CCDC138: variants seen among roughly 807,000 people sequenced by gnomAD.
The protein encoded by CCDC138 is coiled-coil domain-containing protein 138.
CCDC138 carries 66 observed loss-of-function variants against 82.3 expected under a neutral mutation model. The ratio of observed to expected loss-of-function variants is 0.80; its 90% CI spans 0.66 to 0.98. The LOEUF (loss-of-function observed/expected upper bound fraction) is 0.98. CCDC138 is among the 50% of genes least tolerant of loss of function. The probability of loss-of-function intolerance (pLI) is 0.00; values close to 1 mark genes in which losing one functional copy is unlikely to be tolerated. For missense variants in CCDC138, 816 were observed against 758.9 expected (o/e 1.08, Z -0.88); for synonymous variants, 297 against 265.4 (o/e 1.12, Z -1.16).
chr2:108,815,779 T>A (rs1277384071), intron 9 of CCDC138, 162 bp from the exon 10 acceptor site: 3 of 226,182 alleles, frequency 1.3e-5, no homozygotes, highest in Non-Finnish European at 2.2e-5. Context: ...TGGGGAGGTT[T>A]GATTTGGAAT....
chr2:108,824,944 T>C (rs1686312643), intron 10 of CCDC138, among the ~76,000 whole-genome samples: 1 of 152,164 alleles, frequency 6.6e-6, no homozygotes, highest in South Asian at 2.1e-4. Context: ...CTGTGTAAGA[T>C]TAAAAATTGG....
intron 10 of CCDC138, 118 bp from the exon 11 acceptor site, chr2:108,839,067 G>T: frequency 9.1e-7 from 1 of 1,093,710 alleles, no homozygotes; most frequent in Non-Finnish European, 1.3e-6. Context: ...GTTTTTTGTT[G>T]GAGAACTCTT....
At chr2:108,787,886 A>G in intron 1 of CCDC138, 146 bp from the exon 2 acceptor site, 1 of 656,134 alleles carries the variant, frequency 1.5e-6, no homozygotes, top group East Asian at 3.4e-5. Flanking sequence ...TATTGATGAT[A>G]TTAGTTTTGA....
At chr2:108,829,053 A>C (rs1001350332) in intron 10 of CCDC138, among the ~76,000 whole-genome samples, 3 of 152,220 alleles carry the variant, frequency 2.0e-5, no homozygotes, top group African/African-American at 7.2e-5. Flanking sequence ...TCTTAGAAGA[A>C]GACACAGGAA....
chr2:108,789,287 T>A (rs973842865), intron 3 of CCDC138, among the ~76,000 whole-genome samples: 21 of 151,920 alleles, frequency 1.4e-4, no homozygotes, highest in Non-Finnish European at 3.1e-4. Flanking sequence ...TCTTTAAAAA[T>A]TTTTTTTTAG....
chr2:108,845,118 CA>C (rs1389461230), intron 11 of CCDC138, among the ~76,000 whole-genome samples: 7 of 151,720 alleles, frequency 4.6e-5, no homozygotes, highest in East Asian at 1.9e-4. Context: ...ATTTTAAAAA[CA>C]AAAAAAGTTT....
intron 6 of CCDC138, among the ~76,000 whole-genome samples, chr2:108,799,113 T>C (rs1361721519): frequency 3.3e-5 from 5 of 152,200 alleles, no homozygotes; most frequent in Non-Finnish European, 7.3e-5. Context: ...ATTTGGTTGT[T>C]ATATCTTTTT....
intron 14 of CCDC138, among the ~76,000 whole-genome samples, chr2:108,874,026 C>G (rs1038773066): frequency 6.6e-6 from 1 of 152,106 alleles, no homozygotes; most frequent in African/African-American, 2.4e-5. Context: ...CTCAGAACAT[C>G]TAGTTGTTTC....
rs142831456 is a variant in CCDC138 at position 108,842,955 on chromosome 2, AACC to A, written c.1323+3657_1323+3659del. On this transcript the variant is annotated intron_variant, in intron 11 of 14. Transcript: ENST00000295124. ...CTTAACCTTTTCTGTATACGCTTAGAACCACATTAGAGAATGTTACCATTTTTG... is the reference window on the plus strand; with the variant it reads ...CTTAACCTTTTCTGTATACGCTTAGAACATTAGAGAATGTTACCATTTTTG... Among the ~76,000 whole-genome samples, 1,199 of 152,318 alleles carry A rather than the reference AACC, an allele frequency of 7.9e-3. 14 individuals carry two copies. Among genetic ancestry groups the A allele is most frequent in the African/African-American group, 0.027 (1,125 of 41,558 alleles).
At chr2:108,786,972 T>C (rs1573876328) in intron 1 of CCDC138, 57 bp downstream of exon 1, 2 of 1,225,278 alleles carry the variant, frequency 1.6e-6, no homozygotes, top group Non-Finnish European at 2.2e-6. Flanking sequence ...GGCGGCCCGC[T>C]CCGTGCCCCG....
In CCDC138 at chr2:108,794,526, T is replaced by A; in HGVS notation, c.395-14T>A. The stretch of plus-strand genomic sequence containing the variant: ...TTAATAAAGTTTATAATGCAAATGT[T>A]ATTTTCTTTGCAGTTGCCTTGCCAA... On this transcript the variant is annotated splice_polypyrimidine_tract_variant and intron_variant, in intron 4 of 14. Transcript: ENST00000295124. 6.3e-7 allele frequency: 1 copy of A among 1,588,864 alleles called. No homozygotes were observed. The highest frequency in any genetic ancestry group is 8.6e-7 in the Non-Finnish European group (1 of 1,166,254).
intron 10 of CCDC138, among the ~76,000 whole-genome samples, chr2:108,816,441 ACT>A (rs1684822831): frequency 6.6e-6 from 1 of 152,004 alleles, no homozygotes; most frequent in Admixed American, 6.6e-5. Context: ...ACAGAGCAAG[ACT>A]CTGTTTCAAA....
rs1491527939 is a variant in CCDC138, at chr2:108,800,638, T to TTTTTTTTTTTTTTTA, written c.735+2052_735+2053insTTTTTTTTTTTTTTA. Among the ~76,000 whole-genome samples, 5 of 73,772 alleles carry TTTTTTTTTTTTTTTA rather than the reference T, an allele frequency of 6.8e-5. 1 individual carries two copies. The highest frequency in any genetic ancestry group is 2.3e-4 in the African/African-American group (4 of 17,278). The allele number at this position is 73,772 out of a possible 152,430, so 48.4% of individuals were successfully genotyped here. A position where few individuals can be genotyped will look rare whatever the true frequency, so the allele number is the denominator to read the frequency against. ...TTTTTTTTTTTTTTTTTTTTTTTTT[T>TTTTTTTTTTTTTTTA]AATTATACTTTAAGTTTTAGGGTAC... On this transcript the variant is annotated intron_variant, in intron 6 of 14. Transcript: ENST00000295124.
At chr2:108,876,790 T>G (rs928674574), downstream of CCDC138, among the ~76,000 whole-genome samples, 6 of 152,220 alleles carry the variant, frequency 3.9e-5, no homozygotes, top group Non-Finnish European at 7.3e-5. Flanking sequence ...TAAAAACTTT[T>G]GTTTTCAAAA....
At chr2:108,835,993 C>G (rs1005936168) in intron 10 of CCDC138, among the ~76,000 whole-genome samples, 2 of 152,186 alleles carry the variant, frequency 1.3e-5, no homozygotes, top group African/African-American at 4.8e-5. Context: ...CAGTCCCACA[C>G]GCCTTTATTA....
Position 108,815,942 on chromosome 2 carries a change from T to C in CCDC138, c.1043T>C (p.Val348Ala), listed in dbSNP as rs1684714353. The C allele has an allele frequency of 1.9e-6, 3 of 1,603,798 alleles. No homozygotes were observed. Among genetic ancestry groups the C allele is most frequent in the African/African-American group, 2.7e-5 (2 of 74,312 alleles). ...AATGATTTAATTTTTGACATATAGG[T>C]ACCACTTAATGGGCAAGTTTATGAA... The part of the protein sequence containing the change: ...EKAPVSKTYK[V>A]PLNGQVYELL... The change falls in exon 10 of 15, where the codon GTA becomes GCA. Residue 348 changes from valine (V) to alanine (A), a missense_variant and splice_region_variant. Physicochemically the swap from Val to Ala is moderately conservative, Grantham distance 64. Transcript: ENST00000295124.
At chr2:108,860,776 G>A (rs1452661686) in intron 13 of CCDC138, among the ~76,000 whole-genome samples, 2 of 151,568 alleles carry the variant, frequency 1.3e-5, no homozygotes, top group African/African-American at 2.4e-5. Flanking sequence ...CTTTTGTTGT[G>A]TCTTTGCCAG....
At chr2:108,818,228 C>T (rs1421041983) in intron 10 of CCDC138, among the ~76,000 whole-genome samples, 1 of 152,060 alleles carries the variant, frequency 6.6e-6, no homozygotes, top group Non-Finnish European at 1.5e-5. Context: ...ATCACCTGAA[C>T]CTGGGGGGGT....
At chr2:108,875,520 C>A (rs982748386) in intron 14 of CCDC138, among the ~76,000 whole-genome samples, 4 of 151,950 alleles carry the variant, frequency 2.6e-5, no homozygotes, top group East Asian at 1.9e-4. Flanking sequence ...AAAAAAAATT[C>A]TCACGCTCTC....
Sources: allele counts gnomAD v4.1 joint callset (sites outside exome capture counted in the v4.1 genomes callset), GRCh38; gene constraint gnomAD v4.1.1; transcripts MANE v1.5; gene names NCBI Gene and HGNC (gene_info 2026-07-23, HGNC 2026-07-21).